Variants in GRIN3A observed in about 807,000 individuals in gnomAD.
The protein encoded by GRIN3A is glutamate receptor ionotropic, NMDA 3A.
In GRIN3A, 47 loss-of-function variants were observed where a neutral mutation model predicts 92.4. That is an observed-to-expected ratio of 0.51 (90% confidence interval 0.40 to 0.65). The LOEUF (loss-of-function observed/expected upper bound fraction) is 0.65. Ranked by LOEUF, GRIN3A falls within the 30% of genes least tolerant of loss-of-function variation. GRIN3A has a pLI of 0.00. For missense variants in GRIN3A, 1,324 were observed against 1,393.1 expected (o/e 0.95, Z 0.79); for synonymous variants, 527 against 540.6 (o/e 0.97, Z 0.35).
At chr9:101,723,799 G>C (rs937455166) in intron 1 of GRIN3A, among the ~76,000 whole-genome samples, 3 of 152,118 alleles carry the variant, frequency 2.0e-5, no homozygotes, top group African/African-American at 7.2e-5. Flanking sequence ...CCCTGAGCTA[G>C]ACACTGGGTG....
At chr9:101,594,207 C>T in intron 6 of GRIN3A, 1 of 578,314 alleles carries the variant, frequency 1.7e-6, no homozygotes, top group Non-Finnish European at 2.8e-6. Flanking sequence ...ACTTGCTCTT[C>T]CCCCTATAGG....
intron 6 of GRIN3A, among the ~76,000 whole-genome samples, chr9:101,608,285 G>C (rs888399178): frequency 6.6e-6 from 1 of 152,030 alleles, no homozygotes; most frequent in Non-Finnish European, 1.5e-5. Context: ...AAATTTAGCT[G>C]ACCTGGAATG....
In GRIN3A at chr9:101,705,985, G is replaced by A. The variant is rs188974030; in HGVS notation, c.700-18785C>T. ...CAATCATTACATTTTACTGTCTGGT[G>A]AGACTGTTAAAAAAAACGAGAAGCA... On this transcript the variant is annotated intron_variant, in intron 1 of 8. Coordinates refer to ENST00000361820, the MANE Select transcript of GRIN3A (RefSeq NM_133445.3). Among the ~76,000 whole-genome samples the A allele has an allele frequency of 2.4e-3, 366 of 152,132 alleles. 1 individual carries two copies. Among genetic ancestry groups the A allele is most frequent in the African/African-American group, 8.0e-3 (333 of 41,502 alleles).
chr9:101,691,088 G>A (rs1829611084), intron 1 of GRIN3A, among the ~76,000 whole-genome samples: 1 of 152,022 alleles, frequency 6.6e-6, no homozygotes, highest in Non-Finnish European at 1.5e-5. Context: ...AAAGGAACAT[G>A]AAAAACAAGA....
intron 8 of GRIN3A, among the ~76,000 whole-genome samples, chr9:101,575,837 T>C (rs1460011142): frequency 1.3e-5 from 2 of 151,316 alleles, no homozygotes; most frequent in Non-Finnish European, 3.0e-5. Context: ...AACCTGAGAG[T>C]AGAGCATCTA....
At chr9:101,723,563 C>T (rs1001823263) in intron 1 of GRIN3A, among the ~76,000 whole-genome samples, 3 of 152,126 alleles carry the variant, frequency 2.0e-5, no homozygotes, top group African/African-American at 7.2e-5. Context: ...GGGCAGCCTG[C>T]TTTTATTCTC....
intron 6 of GRIN3A, among the ~76,000 whole-genome samples, chr9:101,589,158 A>G (rs2118803620): frequency 6.6e-6 from 1 of 152,234 alleles, no homozygotes; most frequent in East Asian, 1.9e-4. Context: ...TTTTTAATAG[A>G]GATGGGGTTT....
intron 1 of GRIN3A, among the ~76,000 whole-genome samples, chr9:101,711,866 A>G (rs548877459): frequency 2.0e-5 from 3 of 152,236 alleles, no homozygotes; most frequent in African/African-American, 4.8e-5. Context: ...GACAGTAGCT[A>G]TTTTTCAATA....
chr9:101,629,103 T>C (rs1381632469), intron 3 of GRIN3A, among the ~76,000 whole-genome samples: 7 of 152,186 alleles, frequency 4.6e-5, no homozygotes, highest in African/African-American at 1.7e-4. Flanking sequence ...ATAAATTATA[T>C]GGTATATTCT....
At chr9:101,681,697 T>TATAAATCACACATCCCA (rs1201272542) in intron 2 of GRIN3A, among the ~76,000 whole-genome samples, 3 of 17,960 alleles carry the variant, frequency 1.7e-4, no homozygotes, top group Admixed American at 6.5e-4. Flanking sequence ...TCCCTATTCT[T>TATAAATCACACATCCCA]TTTTTTTTTT....
intron 4 of GRIN3A, among the ~76,000 whole-genome samples, chr9:101,626,901 G>T (rs1405183325): frequency 3.9e-5 from 6 of 152,144 alleles, no homozygotes; most frequent in Non-Finnish European, 8.8e-5. Flanking sequence ...CCTGAAGATT[G>T]CTTCCCTTCA....
chr9:101,582,395 A>G (rs1827899014), intron 6 of GRIN3A, among the ~76,000 whole-genome samples: 1 of 152,208 alleles, frequency 6.6e-6, no homozygotes, highest in Admixed American at 6.5e-5. Flanking sequence ...AGACTGGCAC[A>G]AGGCAGGAAA....
intron 5 of GRIN3A, 111 bp from the exon 6 acceptor site, chr9:101,613,638 G>A (rs1352014551): frequency 4.1e-6 from 4 of 975,012 alleles, no homozygotes; most frequent in Non-Finnish European, 6.4e-6. Flanking sequence ...GGCGTGATGA[G>A]TTTTCATCAA....
At position 101,683,847 on chromosome 9, in the gene GRIN3A, T is replaced by TGAGAGAGAGAGA. The variant is rs55960998; in HGVS notation, c.1304+2737_1304+2748dup. Among the ~76,000 whole-genome samples, 237 of 136,280 alleles carry TGAGAGAGAGAGA rather than the reference T, an allele frequency of 1.7e-3. 1 individual carries two copies. The highest frequency in any genetic ancestry group is 4.3e-3 in the Admixed American group (60 of 13,832). The allele number at this position is 136,280 out of a possible 152,430, so 89.4% of individuals were successfully genotyped here. A position where few individuals can be genotyped will look rare whatever the true frequency, so the allele number is the denominator to read the frequency against. ...CATAAGGAGAGAGAGAGAGAGACAG[T>TGAGAGAGAGAGA]GAGAGAGAGAGAGAGAGAGAGAGAG... On this transcript the variant is annotated intron_variant, in intron 2 of 8. Transcript: ENST00000361820.
In GRIN3A at chr9:101,582,303, A is replaced by T. The variant is rs534447579; in HGVS notation, c.2767-2943T>A. ...TAGCTCAGGAAATCTCTTTCCCTCCATGCCAGTACTGCAGGCTGTGAATCA... is the reference window on the plus strand; with the variant it reads ...TAGCTCAGGAAATCTCTTTCCCTCCTTGCCAGTACTGCAGGCTGTGAATCA... On this transcript the variant is annotated intron_variant, in intron 6 of 8. Transcript: ENST00000361820. Among the ~76,000 whole-genome samples the T allele has an allele frequency of 2.0e-5, 3 of 152,294 alleles. No homozygotes were observed. The East Asian group carries it at 5.8e-4, about 29-fold the overall frequency.
intron 2 of GRIN3A, among the ~76,000 whole-genome samples, chr9:101,683,587 A>G (rs1374054641): frequency 1.3e-5 from 2 of 152,190 alleles, no homozygotes; most frequent in African/African-American, 2.4e-5. Context: ...GTTCCTGAAT[A>G]CTTTTCAAAC....
chr9:101,734,189 G>A (rs888819982), intron 1 of GRIN3A, among the ~76,000 whole-genome samples: 2 of 152,180 alleles, frequency 1.3e-5, no homozygotes, highest in African/African-American at 4.8e-5. Flanking sequence ...ACCTGTAGAA[G>A]AAAAAGTCAT....
intron 3 of GRIN3A, among the ~76,000 whole-genome samples, chr9:101,661,969 T>A (rs944640105): frequency 3.9e-5 from 6 of 151,938 alleles, no homozygotes; most frequent in Non-Finnish European, 7.4e-5. Context: ...TAAATTTCTT[T>A]ATTAATTGTC....
intron 1 of GRIN3A, among the ~76,000 whole-genome samples, chr9:101,736,059 C>T (rs1026765405): frequency 2.0e-5 from 3 of 152,188 alleles, no homozygotes; most frequent in Non-Finnish European, 2.9e-5. Context: ...GTACATTGCC[C>T]TTACTCATTT....
Sources: allele counts gnomAD v4.1 joint callset (sites outside exome capture counted in the v4.1 genomes callset), GRCh38; gene constraint gnomAD v4.1.1; transcripts MANE v1.5; gene names NCBI Gene and HGNC (gene_info 2026-07-23, HGNC 2026-07-21).